CSMD1: variants seen among roughly 807,000 people sequenced by gnomAD.
CSMD1 encodes CUB and Sushi multiple domains 1.
A neutral mutation model predicts 417.5 loss-of-function variants in CSMD1; 213 were observed. The observed-to-expected ratio is 0.51, with a 90% confidence interval of 0.46 to 0.57. CSMD1 has a LOEUF of 0.57. Ranked by LOEUF, CSMD1 falls within the 20% of genes least tolerant of loss-of-function variation. The pLI, the probability that CSMD1 is intolerant of heterozygous loss-of-function variation, is 0.00. For synonymous variants in CSMD1, 2,862 were observed against 1,736.8 expected (o/e 1.65, Z -16.11); for missense variants, 6,923 against 4,529.7 (o/e 1.53, Z -15.17).
At chr8:4,106,466 T>G (rs1039977792) in intron 3 of CSMD1, among the ~76,000 whole-genome samples, 1 of 152,180 alleles carries the variant, frequency 6.6e-6, no homozygotes, top group South Asian at 2.1e-4. Flanking sequence ...CAGCTTTCAT[T>G]CTCTCTGCAT....
At chr8:4,572,314 G>A (rs1396205093) in intron 2 of CSMD1, among the ~76,000 whole-genome samples, 2 of 152,152 alleles carry the variant, frequency 1.3e-5, no homozygotes, top group Non-Finnish European at 2.9e-5. Context: ...CAGGCCTAGT[G>A]GTGACAAAAT....
chr8:3,610,755 C>A (rs1036773813), intron 8 of CSMD1, among the ~76,000 whole-genome samples: 1 of 152,122 alleles, frequency 6.6e-6, no homozygotes, highest in Non-Finnish European at 1.5e-5. Context: ...GAATTGCATA[C>A]TTAATGCATC....
At chr8:3,141,800 CTT>C (rs34760693) in intron 41 of CSMD1, among the ~76,000 whole-genome samples, 2 of 144,214 alleles carry the variant, frequency 1.4e-5, no homozygotes, top group Admixed American at 6.9e-5. Flanking sequence ...GCCAAATTAT[CTT>C]TTTTTTTTTT....
chr8:4,426,574 T>A (rs906863225), intron 2 of CSMD1, among the ~76,000 whole-genome samples: 2 of 147,126 alleles, frequency 1.4e-5, no homozygotes, highest in Admixed American at 1.4e-4. Flanking sequence ...ATAGTATATA[T>A]ACACAGTATG....
At chr8:3,153,845 C>T (rs73491745) in intron 39 of CSMD1, among the ~76,000 whole-genome samples, 9,459 of 152,284 alleles carry the variant, frequency 0.062, 697 homozygotes, top group African/African-American at 0.18. Context: ...CACCTAATTA[C>T]TTGAGAGCTT....
rs1804971006 is a variant in CSMD1 at position 3,307,544 on chromosome 8, T to A, written c.3950+151A>T. On this transcript the variant is annotated intron_variant, in intron 25 of 69. Coordinates refer to ENST00000635120, the MANE Select transcript of CSMD1 (RefSeq NM_033225.6). ...TCAAGGCAACAGCAAAGTAAGCAAG[T>A]GAGCCAACAAAACTTTTAGCTACAG... 22 of 862,436 alleles carry A rather than the reference T, an allele frequency of 2.6e-5. 1 individual carries two copies. The South Asian group carries it at 3.8e-4, about 15-fold the overall frequency. 53.4% of individuals were successfully genotyped at this position (862,436 alleles called of 1,614,324 possible).
chr8:3,250,810 C>G (rs1391014412), intron 26 of CSMD1, among the ~76,000 whole-genome samples: 2 of 152,108 alleles, frequency 1.3e-5, no homozygotes, highest in Admixed American at 6.6e-5. Context: ...TCTCTGATGG[C>G]CAGTGATGAT....
intron 10 of CSMD1, among the ~76,000 whole-genome samples, chr8:3,518,530 G>C (rs1015275816): frequency 1.3e-5 from 2 of 152,136 alleles, no homozygotes; most frequent in African/African-American, 4.8e-5. Flanking sequence ...AATGATCAAT[G>C]ATTGCCATAA....
chr8:3,303,421 C>T (rs62504390), intron 25 of CSMD1, among the ~76,000 whole-genome samples: 12,637 of 152,226 alleles, frequency 0.083, 673 homozygotes, highest in Non-Finnish European at 0.12. Flanking sequence ...GTCGTCAAAC[C>T]ACATGTTACC....
intron 21 of CSMD1, among the ~76,000 whole-genome samples, chr8:3,356,956 G>A (rs935235779): frequency 2.0e-5 from 3 of 152,086 alleles, no homozygotes; most frequent in East Asian, 1.9e-4. Flanking sequence ...TTTGGAGAGA[G>A]CATTCTGGGA....
chr8:4,864,393 G>C lies in CSMD1; in HGVS notation c.85+129939C>G, dbSNP rs181510443. The stretch of plus-strand genomic sequence containing the variant: ...GTAAAAATGTATTTGTCTTTCAATG[G>C]TTTAAAAAATATCACTTCCTTACTT... On this transcript the variant is annotated intron_variant, in intron 1 of 69. Transcript: ENST00000635120. Among the ~76,000 whole-genome samples, 16 of 151,804 alleles carry C rather than the reference G, an allele frequency of 1.1e-4. 1 individual carries two copies. Among genetic ancestry groups the C allele is most frequent in the African/African-American group, 2.4e-5 (1 of 41,332 alleles).
intron 68 of CSMD1, among the ~76,000 whole-genome samples, chr8:2,947,024 A>G (rs147967819): frequency 7.8e-4 from 119 of 152,316 alleles, no homozygotes; most frequent in Non-Finnish European, 1.4e-3. Context: ...ATGTCTTTAG[A>G]GACATATCTA....
chr8:3,496,674 A>C (rs998596948), intron 10 of CSMD1, among the ~76,000 whole-genome samples: 8 of 152,034 alleles, frequency 5.3e-5, no homozygotes, highest in South Asian at 2.1e-4. Context: ...AAAAATACAA[A>C]AATTAGCCTG....
chr8:4,732,518 A>T (rs949602858), intron 1 of CSMD1, among the ~76,000 whole-genome samples: 9 of 152,114 alleles, frequency 5.9e-5, no homozygotes, highest in African/African-American at 2.2e-4. Context: ...TAACTTTGCC[A>T]AATTCCAGTC....
chr8:3,909,530 G>C (rs151201704), intron 5 of CSMD1, among the ~76,000 whole-genome samples: 14 of 152,196 alleles, frequency 9.2e-5, no homozygotes, highest in African/African-American at 3.4e-4. Flanking sequence ...CAGCGTGGTC[G>C]CTCTCCCCAG....
intron 50 of CSMD1, chr8:3,043,746 C>T (rs901208922): frequency 6.6e-6 from 1 of 152,156 alleles, no homozygotes; most frequent in African/African-American, 2.4e-5. Flanking sequence ...TGCTCTTCAT[C>T]CAACACCTTG....
At chr8:4,105,710 A>G in intron 3 of CSMD1, among the ~76,000 whole-genome samples, 1 of 152,194 alleles carries the variant, frequency 6.6e-6, no homozygotes. Flanking sequence ...GGGGTACCCC[A>G]TGGCAAGATC....
At chr8:3,854,536 G>C (rs1013438809) in intron 5 of CSMD1, among the ~76,000 whole-genome samples, 7 of 151,968 alleles carry the variant, frequency 4.6e-5, no homozygotes, top group Admixed American at 6.6e-5. Context: ...ACGGGTTATG[G>C]GCAGTTTCAT....
At chr8:3,930,777 G>C (rs1415793879) in intron 5 of CSMD1, among the ~76,000 whole-genome samples, 1 of 150,450 alleles carries the variant, frequency 6.6e-6, no homozygotes, top group Non-Finnish European at 1.5e-5. Flanking sequence ...CAGGGAACAA[G>C]CATTTCTAAC....
Sources: gnomAD v4.1 joint callset for allele counts (sites outside exome capture counted in the v4.1 genomes callset) on GRCh38, gnomAD v4.1.1 for gene constraint, MANE v1.5 for transcripts, NCBI Gene and HGNC (gene_info 2026-07-23, HGNC 2026-07-21) for gene names.